NAV3: variants seen among roughly 807,000 people sequenced by gnomAD.
The protein encoded by NAV3 is pore membrane and/or filament interacting like protein 1.
In NAV3, 87 loss-of-function variants were observed where a neutral mutation model predicts 244.7. That is an observed-to-expected ratio of 0.36 (90% CI 0.30 to 0.42). The LOEUF (loss-of-function observed/expected upper bound fraction) is 0.42. Among genes scored for constraint, NAV3 ranks in the 20% least tolerant of loss-of-function variants. NAV3 has a pLI of 1.00. For synonymous variants in NAV3, 1,126 were observed against 1,042.2 expected, an observed-to-expected ratio of 1.08 and a Z score of -1.55; for missense variants, 2,663 against 2,893.3, an observed-to-expected ratio of 0.92 and a Z score of 1.83.
intron 1 of NAV3, among the ~76,000 whole-genome samples, chr12:77,893,768 T>C (rs1315574098): frequency 6.6e-6 from 1 of 152,176 alleles, no homozygotes; most frequent in Non-Finnish European, 1.5e-5. Context: ...ATGTAGAATT[T>C]TTCCAGTGGT....
chr12:77,934,471 G>T (rs926541942), intron 1 of NAV3, among the ~76,000 whole-genome samples: 2 of 152,062 alleles, frequency 1.3e-5, no homozygotes, highest in African/African-American at 2.4e-5. Flanking sequence ...CCATTCTCAG[G>T]TCCAAATGCT....
chr12:78,112,049 A>G (rs986165426), intron 12 of NAV3, among the ~76,000 whole-genome samples: 5 of 152,308 alleles, frequency 3.3e-5, no homozygotes, highest in African/African-American at 1.2e-4. Flanking sequence ...GGATGATTAG[A>G]ACCAGCCTTT....
intron 15 of NAV3, among the ~76,000 whole-genome samples, chr12:78,120,391 T>G (rs1326710404): frequency 6.6e-6 from 1 of 152,234 alleles, no homozygotes; most frequent in African/African-American, 2.4e-5. Flanking sequence ...TTGGTGATCA[T>G]AAATGTAGAT....
intron 12 of NAV3, among the ~76,000 whole-genome samples, chr12:78,087,010 T>A (rs1251011161): frequency 6.6e-6 from 1 of 152,042 alleles, no homozygotes; most frequent in Non-Finnish European, 1.5e-5. Context: ...CCCATATTGC[T>A]CTTTTATGTT....
intron 39 of NAV3, among the ~76,000 whole-genome samples, chr12:78,207,563 T>C (rs1453063412): frequency 1.3e-5 from 2 of 152,202 alleles, no homozygotes; most frequent in East Asian, 3.9e-4. Flanking sequence ...ACAGAGGAGA[T>C]GCTTGAGCTG....
chr12:77,575,520 A>G (rs898435075), intron 2 of NAV3, among the ~76,000 whole-genome samples: 13 of 152,118 alleles, frequency 8.5e-5, no homozygotes, highest in African/African-American at 2.9e-4. Context: ...TTTTGATAAC[A>G]TGACTTTTTG....
chr12:78,023,891 GC>G (rs1027452752), intron 9 of NAV3, among the ~76,000 whole-genome samples: 9 of 151,792 alleles, frequency 5.9e-5, no homozygotes, highest in African/African-American at 2.2e-4. Flanking sequence ...TAACACCTTG[GC>G]CTCTCCTCCC....
At chr12:77,965,848 G>T (rs1011154407) in intron 3 of NAV3, among the ~76,000 whole-genome samples, 1 of 152,060 alleles carries the variant, frequency 6.6e-6, no homozygotes, top group Non-Finnish European at 1.5e-5. Context: ...AACACTGCTG[G>T]TTGAATCTAA....
chr12:77,680,335 G>C (rs1168471519), intron 2 of NAV3, among the ~76,000 whole-genome samples: 2 of 152,040 alleles, frequency 1.3e-5, no homozygotes, highest in African/African-American at 4.8e-5. Flanking sequence ...TATCTATTAG[G>C]GTAATGCTGT....
intron 1 of NAV3, among the ~76,000 whole-genome samples, chr12:77,931,538 T>C (rs1888792745): frequency 6.6e-6 from 1 of 152,044 alleles, no homozygotes; most frequent in South Asian, 2.1e-4. Flanking sequence ...CTGGTAAACC[T>C]CAATTCTCTG....
chr12:77,746,661 A>C (rs1868561166), intron 2 of NAV3, among the ~76,000 whole-genome samples: 1 of 151,962 alleles, frequency 6.6e-6, no homozygotes, highest in Non-Finnish European at 1.5e-5. Context: ...CATTTGATAT[A>C]GCTGAACAGT....
At chr12:77,730,890 C>G (rs1877097330) in intron 2 of NAV3, among the ~76,000 whole-genome samples, 2 of 150,834 alleles carry the variant, frequency 1.3e-5, no homozygotes, top group Admixed American at 1.3e-4. Flanking sequence ...GCTGAATATT[C>G]TTAATAGAAG....
At chr12:78,143,160 C>T (rs1314405430) in intron 20 of NAV3, among the ~76,000 whole-genome samples, 3 of 152,146 alleles carry the variant, frequency 2.0e-5, no homozygotes, top group African/African-American at 7.2e-5. Flanking sequence ...GAAATTATCG[C>T]GTGACATCAG....
intron 12 of NAV3, among the ~76,000 whole-genome samples, chr12:78,107,380 G>C (rs1337802089): frequency 1.3e-5 from 2 of 152,048 alleles, no homozygotes; most frequent in Non-Finnish European, 2.9e-5. Context: ...TTAGATATTT[G>C]GGATGCAGGA....
At chr12:78,208,620 A>C (rs1044525728) in intron 39 of NAV3, among the ~76,000 whole-genome samples, 4 of 152,192 alleles carry the variant, frequency 2.6e-5, no homozygotes, top group Admixed American at 6.5e-5. Flanking sequence ...TATGAATCTG[A>C]GATGTGGAAT....
In NAV3 at chr12:78,190,153, C is replaced by A; in HGVS notation, c.6225C>A (p.Thr2075=). The part of the protein sequence containing the change: ...LANKLAEYVI[T]KSGRKKTEDA... ...ACAAACTTGCTGAATATGTAATAAC[C>A]AAATCTGGAAGGAAAAAAACAGAGG... The change falls in exon 34 of 40, where the codon ACC becomes ACA. Residue 2075 remains threonine (T), a synonymous_variant. Transcript: ENST00000397909. 2 of 1,612,678 alleles carry A rather than the reference C, an allele frequency of 1.2e-6. No individual in the cohort carries two copies. Among genetic ancestry groups the A allele is most frequent in the Non-Finnish European group, 1.7e-6 (2 of 1,179,388 alleles).
At chr12:77,930,088 C>T (rs1039576087) in intron 1 of NAV3, among the ~76,000 whole-genome samples, 2 of 152,114 alleles carry the variant, frequency 1.3e-5, no homozygotes, top group African/African-American at 4.8e-5. Context: ...AATTTCTACC[C>T]ATTTAGCAAT....
At chr12:78,018,175 C>T (rs2136754834) in intron 8 of NAV3, among the ~76,000 whole-genome samples, 1 of 152,224 alleles carries the variant, frequency 6.6e-6, no homozygotes, top group South Asian at 2.1e-4. Flanking sequence ...AAATAAGAGT[C>T]TCTTGTGACT....
intron 34 of NAV3, among the ~76,000 whole-genome samples, chr12:78,192,069 C>T (rs1341945798): frequency 1.3e-5 from 2 of 152,150 alleles, no homozygotes; most frequent in East Asian, 1.9e-4. Flanking sequence ...TAAAACATAG[C>T]TTTCCCTAAA....
Sources: gnomAD v4.1 joint callset for allele counts (sites outside exome capture counted in the v4.1 genomes callset) on GRCh38, gnomAD v4.1.1 for gene constraint, MANE v1.5 for transcripts, NCBI Gene and HGNC (gene_info 2026-07-23, HGNC 2026-07-21) for gene names.